Variants in HAUS8 observed in about 807,000 individuals in gnomAD.
HAUS8 encodes HAUS augmin like complex subunit 8, also known as HAUS augmin-like complex subunit 8.
HAUS8 carries 38 observed loss-of-function variants against 42.9 expected under a neutral mutation model. The ratio of observed to expected loss-of-function variants is 0.89; its 90% CI spans 0.68 to 1.16. HAUS8 has a LOEUF of 1.16. Among genes scored for constraint, HAUS8 ranks in the 50% most tolerant of loss-of-function variants. HAUS8 has a pLI of 0.00. For missense variants in HAUS8, 494 were observed against 511.6 expected (o/e 0.97, Z 0.33); for synonymous variants, 199 against 205.8 (o/e 0.97, Z 0.28).
In HAUS8 at chr19:17,057,538, GA is replaced by G. The variant is rs542138334; in HGVS notation, c.645+1010del. ...TAAAACTTTTTCCAATATACTTATT[GA>G]AAAAAATCTGCATGTAAGTGGAACC... is the stretch of plus-strand genomic sequence containing the variant. On this transcript the variant is annotated intron_variant, in intron 8 of 10. Transcript: ENST00000253669. Among the ~76,000 whole-genome samples, 4 of 151,998 alleles carry G rather than the reference GA, an allele frequency of 2.6e-5. No homozygotes were observed. The East Asian group carries it at 5.8e-4, about 22-fold the overall frequency.
chr19:17,071,309 A>C (rs1365276311), intron 2 of HAUS8, among the ~76,000 whole-genome samples: 1 of 152,194 alleles, frequency 6.6e-6, no homozygotes, highest in East Asian at 1.9e-4. Context: ...AGGATCCTTC[A>C]GTCAGCCAAA....
At chr19:17,059,488 G>A in intron 6 of HAUS8, 69 bp downstream of exon 6, 2 of 1,099,592 alleles carry the variant, frequency 1.8e-6, no homozygotes, top group East Asian at 2.4e-5. Context: ...TCAGCATCTG[G>A]TTCAGAGTGG....
chr19:17,055,143 A>AAT (rs746719670), intron 9 of HAUS8: 11 of 15,506 alleles, frequency 7.1e-4, no homozygotes, highest in Admixed American at 1.2e-3. Flanking sequence ...AAAAAAAAAA[A>AAT]ATATATATAT....
rs777778731 is a variant in HAUS8 at position 17,059,629 on chromosome 19, C to T, written c.348G>A (p.Thr116=). 10 of 1,613,464 alleles carry T rather than the reference C, an allele frequency of 6.2e-6. No individual in the cohort carries two copies. The highest frequency in any genetic ancestry group is 2.7e-5 in the African/African-American group (2 of 74,832). Residue 116 remains threonine, a synonymous_variant, in exon 6 of 11, where the codon ACG becomes ACA. Coordinates refer to ENST00000253669, the MANE Select transcript of HAUS8 (RefSeq NM_033417.2). ...TTGATATTGTTTTTGCTAACTGTGG[C>T]GTCTTTTTGACGATGCTTTTGTCTA... ...AINDKSIVKK[T]PQLAKTISKK...
In HAUS8 at chr19:17,062,670, C is replaced by CT; in HGVS notation, c.229+27dup. Reference sequence around the variant, plus strand: ...ACAAAATTTACTGCCGCGCTCATCACTGCCCGAGGACCATGGCTGTTTCGC... The same window carrying CT: ...ACAAAATTTACTGCCGCGCTCATCACTTGCCCGAGGACCATGGCTGTTTCGC... On this transcript the variant is annotated intron_variant, in intron 4 of 10. Transcript: ENST00000253669. 1.9e-6 allele frequency: 3 copies of CT among 1,593,374 alleles called. No homozygotes were observed. The South Asian group carries it at 3.3e-5, about 18-fold the overall frequency.
chr19:17,059,571 G>A lies in HAUS8; in HGVS notation c.406C>T (p.Arg136Trp), dbSNP rs754254435. 57 of 1,613,012 alleles carry A rather than the reference G, an allele frequency of 3.5e-5. No homozygotes were observed. Among genetic ancestry groups the A allele is most frequent in the African/African-American group, 8.0e-5 (6 of 74,830 alleles). ...CAGACACTTACCGGGCTCTTTTTCCGAGGGGCAGAAAATGATGTTGACTCA... is the reference window on the plus strand; with the variant it reads ...CAGACACTTACCGGGCTCTTTTTCCAAGGGGCAGAAAATGATGTTGACTCA... ...KPESTSFSAP[R>W]KKSPDLSEAM... is the part of the protein sequence containing the mutation. Residue 136 changes from arginine (R) to tryptophan (W), a missense_variant, in exon 6 of 11, where the codon CGG becomes TGG. By Grantham distance (101) the Arg-to-Trp change is moderately radical (BLOSUM62 -3). Coordinates refer to ENST00000253669, the MANE Select transcript of HAUS8 (RefSeq NM_033417.2).
At chr19:17,053,360 G>A (rs796111754) in intron 9 of HAUS8, 15 of 221,350 alleles carry the variant, frequency 6.8e-5, no homozygotes, top group African/African-American at 3.4e-4. Flanking sequence ...TGCAACTGCG[G>A]GACCTGTGTC....
At chr19:17,057,713 A>G (rs1303506088) in intron 8 of HAUS8, among the ~76,000 whole-genome samples, 1 of 152,066 alleles carries the variant, frequency 6.6e-6, no homozygotes, top group African/African-American at 2.4e-5. Context: ...TTAGGGGTTG[A>G]GCTGTATCCC....
rs145277823 is a variant in HAUS8, at chr19:17,058,827, G to A, written c.470C>T (p.Thr157Met). The A allele has an allele frequency of 8.4e-5, 136 of 1,613,244 alleles. No individual in the cohort carries two copies. The African/African-American group carries it at 1.1e-3, about 12-fold the overall frequency. The change falls in exon 7 of 11, where the codon ACG becomes ATG. Residue 157 changes from threonine to methionine, a missense_variant. Transcript: ENST00000253669. Reference sequence around the variant, plus strand: ...TGTTTTCACCTTTACGGATAGTAGCGTCAGCAGTAGTGTCTGAGACTCCAT... The same window carrying A: ...TGTTTTCACCTTTACGGATAGTAGCATCAGCAGTAGTGTCTGAGACTCCAT... ...EMMESQTLLL[T>M]LLSVKMENNL...
intron 9 of HAUS8, chr19:17,053,345 A>C: frequency 4.3e-6 from 1 of 230,502 alleles, no homozygotes; most frequent in Non-Finnish European, 8.6e-6. Context: ...GAGCAGAAGG[A>C]TGCCTGCAAC....
rs942919830 is a variant in HAUS8, at chr19:17,075,194, G to A, written c.29+200C>T. 16 of 574,150 alleles carry A rather than the reference G, an allele frequency of 2.8e-5. No individual in the cohort carries two copies. The South Asian group carries it at 3.6e-4, about 13-fold the overall frequency. 35.6% of individuals were successfully genotyped at this position (574,150 alleles called of 1,614,324 possible). On this transcript the variant is annotated intron_variant, in intron 1 of 10. Coordinates refer to ENST00000253669, the MANE Select transcript of HAUS8 (RefSeq NM_033417.2). ...CGCCCAGCGTCCCAGCCGAGGACGC[G>A]GAACTCAGGGCCGGTCGGGTGTCAG...
At chr19:17,064,441 A>G (rs1314718241) in intron 3 of HAUS8, among the ~76,000 whole-genome samples, 2 of 152,228 alleles carry the variant, frequency 1.3e-5, no homozygotes, top group Non-Finnish European at 1.5e-5. Context: ...AAGCACAGTG[A>G]GAGGTCTCAC....
chr19:17,062,644 G>C lies in HAUS8; in HGVS notation c.229+54C>G, dbSNP rs1345376630. On this transcript the variant is annotated intron_variant, in intron 4 of 10. Transcript: ENST00000253669. ...GGAACTTTAACTTAGCACCCATGGAGACAAAATTTACTGCCGCGCTCATCA... is the reference window on the plus strand; with the variant it reads ...GGAACTTTAACTTAGCACCCATGGACACAAAATTTACTGCCGCGCTCATCA... 22 of 1,365,816 alleles carry C rather than the reference G, an allele frequency of 1.6e-5. 1 individual carries two copies. The South Asian group carries it at 1.6e-4, about 10-fold the overall frequency. 84.6% of individuals were successfully genotyped at this position (1,365,816 alleles called of 1,614,324 possible).
chr19:17,050,576 A>G (rs1381461116), intron 10 of HAUS8, among the ~76,000 whole-genome samples: 1 of 152,154 alleles, frequency 6.6e-6, no homozygotes, highest in Non-Finnish European at 1.5e-5. Context: ...CCTGGGCAAC[A>G]TGGCAAAACC....
At chr19:17,070,087 T>C (rs1053707617) in intron 2 of HAUS8, among the ~76,000 whole-genome samples, 9 of 152,012 alleles carry the variant, frequency 5.9e-5, no homozygotes, top group African/African-American at 2.2e-4. Context: ...CTGCACTCTC[T>C]GCCTCCCCCC....
chr19:17,051,689 A>G (rs1428081039), intron 10 of HAUS8: 1 of 130,670 alleles, frequency 7.7e-6, no homozygotes, highest in Non-Finnish European at 1.6e-5. Flanking sequence ...TTTTCCTGAG[A>G]CAGGGTCTCA....
At chr19:17,061,416 C>T (rs2057360153) in intron 4 of HAUS8, among the ~76,000 whole-genome samples, 1 of 152,140 alleles carries the variant, frequency 6.6e-6, no homozygotes, top group Non-Finnish European at 1.5e-5. Flanking sequence ...GGATTACAGG[C>T]GTGAGCCACC....
At chr19:17,074,822 C>T (rs915357311) in intron 1 of HAUS8, 3 of 152,784 alleles carry the variant, frequency 2.0e-5, no homozygotes, top group African/African-American at 7.2e-5. Context: ...ACAAATATAG[C>T]CTCATGATCA....
chr19:17,052,860 CT>C lies in HAUS8; in HGVS notation c.893del (p.Lys298ArgfsTer3), dbSNP rs2057296105. On this transcript the variant is annotated frameshift_variant, in exon 10 of 11. Coordinates refer to ENST00000253669, the MANE Select transcript of HAUS8 (RefSeq NM_033417.2). LOFTEE classifies it low-confidence loss of function (END_TRUNC). ...VQVLDLLSEL[K>X]DVTAKKDLEL... is the part of the protein sequence containing the mutation. ...CAAGGTCCTTTTTCGCCGTCACGTC[CT>C]TGAGTTCGCTCAGTAAGTCCAGCAC... 1.9e-6 allele frequency: 3 copies of C among 1,614,062 alleles called. No homozygotes were observed. Among genetic ancestry groups the C allele is most frequent in the African/African-American group, 1.3e-5 (1 of 74,928 alleles).
Sources: allele counts gnomAD v4.1 joint callset (sites outside exome capture counted in the v4.1 genomes callset), GRCh38; gene constraint gnomAD v4.1.1; transcripts MANE v1.5; gene names NCBI Gene and HGNC (gene_info 2026-07-23, HGNC 2026-07-21).